Variants in FRMPD1 observed in about 807,000 individuals in gnomAD.
The protein encoded by FRMPD1 is FERM and PDZ domain containing 1.
Under a neutral mutation model 117.8 loss-of-function variants are expected in FRMPD1, and 76 were observed. That is an observed-to-expected ratio of 0.65 (90% CI 0.54 to 0.78). The LOEUF (loss-of-function observed/expected upper bound fraction) is 0.78, where lower values mean the gene tolerates loss of function less well. Ranked by LOEUF, FRMPD1 falls within the 30% of genes least tolerant of loss-of-function variation. The pLI is 0.00. For synonymous variants in FRMPD1, 783 were observed against 770.4 expected (o/e 1.02, Z -0.27); for missense variants, 1,786 against 1,964.5 (o/e 0.91, Z 1.72).
chr9:37,652,844 G>T (rs986156494), intron 1 of FRMPD1, among the ~76,000 whole-genome samples: 1 of 152,226 alleles, frequency 6.6e-6, no homozygotes, highest in Non-Finnish European at 1.5e-5. Flanking sequence ...TGTGCCACAG[G>T]ATCTTCATTG....
At chr9:37,737,011 T>C in intron 13 of FRMPD1, 85 bp from the exon 14 acceptor site, 1 of 1,016,692 alleles carries the variant, frequency 9.8e-7, no homozygotes, top group Non-Finnish European at 1.5e-6. Flanking sequence ...CTGGAATCTC[T>C]CGTTGGTCCC....
At chr9:37,709,316 GA>G (rs933165606) in intron 4 of FRMPD1, among the ~76,000 whole-genome samples, 1 of 151,510 alleles carries the variant, frequency 6.6e-6, no homozygotes, top group Non-Finnish European at 1.5e-5. Context: ...GATTTTTCAT[GA>G]ATGGCTGATC....
chr9:37,664,719 T>C (rs75260012), intron 1 of FRMPD1, among the ~76,000 whole-genome samples: 1 of 152,228 alleles, frequency 6.6e-6, no homozygotes, highest in Non-Finnish European at 1.5e-5. Flanking sequence ...AAAACCTGAC[T>C]CTGGAATAAT....
At chr9:37,675,847 C>T (rs1290823172) in intron 1 of FRMPD1, among the ~76,000 whole-genome samples, 1 of 152,198 alleles carries the variant, frequency 6.6e-6, no homozygotes, top group Non-Finnish European at 1.5e-5. Flanking sequence ...CAGGGCAAAA[C>T]GAGGTGTGCA....
At chr9:37,730,087 G>A (rs1823802973) in intron 8 of FRMPD1, among the ~76,000 whole-genome samples, 1 of 152,224 alleles carries the variant, frequency 6.6e-6, no homozygotes, top group Admixed American at 6.5e-5. Flanking sequence ...TTTTGCAGAT[G>A]TGGAGACAAA....
chr9:37,636,968 T>C, the FRMPD1 span: 1 of 1,592,180 alleles, frequency 6.3e-7, no homozygotes, highest in Non-Finnish European at 8.6e-7. Flanking sequence ...CTCGCTGGCA[T>C]GGCGGTCAAT....
At chr9:37,604,350 C>G in the FRMPD1 span, among the ~76,000 whole-genome samples, 1 of 152,070 alleles carries the variant, frequency 6.6e-6, no homozygotes, top group Admixed American at 6.6e-5. Context: ...GATCTAGTAC[C>G]TGGTAGAGAA....
intron 2 of FRMPD1, among the ~76,000 whole-genome samples, chr9:37,694,670 G>A (rs1383587394): frequency 6.6e-6 from 1 of 152,118 alleles, no homozygotes; most frequent in Non-Finnish European, 1.5e-5. Context: ...CCGTGTAGCT[G>A]GGACTGCAGG....
At chr9:37,638,005 TTTCTTTCTTTC>T in the FRMPD1 span, among the ~76,000 whole-genome samples, 1 of 126,920 alleles carries the variant, frequency 7.9e-6, no homozygotes, top group African/African-American at 2.9e-5. Flanking sequence ...TCTTTCTTTC[TTTCTTTCTTTC>T]TTTCTTTCTC....
intron 5 of FRMPD1, among the ~76,000 whole-genome samples, chr9:37,718,262 G>A (rs753185615): frequency 5.3e-5 from 8 of 152,148 alleles, no homozygotes; most frequent in East Asian, 1.9e-4. Flanking sequence ...TTCACAGAAC[G>A]TGGCCCAGAG....
upstream of FRMPD1, among the ~76,000 whole-genome samples, chr9:37,650,172 G>C (rs77227114): frequency 0.028 from 4,310 of 152,292 alleles, 205 homozygotes; most frequent in African/African-American, 0.099. Flanking sequence ...GACCTCGTAG[G>C]TGTTCAGTAG....
intron 1 of FRMPD1, among the ~76,000 whole-genome samples, chr9:37,683,650 CAG>C (rs1269832427): frequency 6.6e-6 from 1 of 151,990 alleles, no homozygotes; most frequent in Admixed American, 6.6e-5. Context: ...TACAGTTCTG[CAG>C]AGTGTTGTGC....
chr9:37,607,116 A>G, the FRMPD1 span, among the ~76,000 whole-genome samples: 6 of 152,114 alleles, frequency 3.9e-5, no homozygotes, highest in African/African-American at 1.4e-4. Context: ...GGATTTCGAG[A>G]CCAGCCTGGC....
chr9:37,720,308 C>T (rs111706468), intron 6 of FRMPD1, among the ~76,000 whole-genome samples: 1,626 of 152,240 alleles, frequency 0.011, 28 homozygotes, highest in African/African-American at 0.035. Context: ...CTGCTGGGCG[C>T]GGTGGCTCAC....
chr9:37,691,082 A>G (rs577056592), intron 1 of FRMPD1, among the ~76,000 whole-genome samples: 21 of 152,244 alleles, frequency 1.4e-4, no homozygotes, highest in South Asian at 6.2e-4. Context: ...AGCAGGATAT[A>G]AAGTACTCGC....
At chr9:37,723,672 C>G (rs1384860062) in intron 6 of FRMPD1, among the ~76,000 whole-genome samples, 2 of 152,158 alleles carry the variant, frequency 1.3e-5, no homozygotes, top group Non-Finnish European at 2.9e-5. Context: ...AGCTGGCCAA[C>G]ATGGTGAAAC....
chr9:37,658,874 T>C (rs1333085444), intron 1 of FRMPD1, among the ~76,000 whole-genome samples: 6 of 152,134 alleles, frequency 3.9e-5, no homozygotes, highest in African/African-American at 1.4e-4. Context: ...TTTATTTATT[T>C]ATTTATTTTT....
chr9:37,604,257 T>C, the FRMPD1 span, among the ~76,000 whole-genome samples: 4 of 147,224 alleles, frequency 2.7e-5, no homozygotes, highest in Non-Finnish European at 5.9e-5. Flanking sequence ...GCTTTGGTGA[T>C]TATATTAAAG....
At position 37,741,080 on chromosome 9, in the gene FRMPD1, A is replaced by G. The variant is rs112475487; in HGVS notation, c.2356+196A>G. 1,012 of 591,736 alleles carry G rather than the reference A, an allele frequency of 1.7e-3. 8 individuals carry two copies. The highest frequency in any genetic ancestry group is 0.017 in the African/African-American group (903 of 53,914). 36.7% of individuals were successfully genotyped at this position (591,736 alleles called of 1,614,324 possible). ...CAGGCCTGCAAGGGAGGTTCAGACA[A>G]CTGTGGCAAGCAGATGGGAGGGATT... is the stretch of plus-strand genomic sequence containing the variant. On this transcript the variant is annotated intron_variant, in intron 15 of 15. Coordinates refer to ENST00000377765, the MANE Select transcript of FRMPD1 (RefSeq NM_014907.3).
Sources: allele counts gnomAD v4.1 joint callset (sites outside exome capture counted in the v4.1 genomes callset), GRCh38; gene constraint gnomAD v4.1.1; transcripts MANE v1.5; gene names NCBI Gene and HGNC (gene_info 2026-07-23, HGNC 2026-07-21).